PIGN: variants seen among roughly 807,000 people sequenced by gnomAD.
PIGN encodes phosphatidylinositol glycan anchor biosynthesis class N.
PIGN carries 117 observed loss-of-function variants against 125.4 expected under a neutral mutation model. That is an observed-to-expected ratio of 0.93 (90% confidence interval 0.80 to 1.09). The LOEUF (loss-of-function observed/expected upper bound fraction) is 1.09. Among genes scored for constraint, PIGN ranks in the 50% least tolerant of loss-of-function variants. The pLI is 0.00. For missense variants in PIGN, 1,075 were observed against 1,094.9 expected, an observed-to-expected ratio of 0.98 and a Z score of 0.26; for synonymous variants, 392 against 377.8, an observed-to-expected ratio of 1.04 and a Z score of -0.44.
At chr18:62,117,592 C>A (rs556615007) in intron 14 of PIGN, among the ~76,000 whole-genome samples, 58 of 152,074 alleles carry the variant, frequency 3.8e-4, no homozygotes, top group African/African-American at 1.4e-3. Context: ...TTAACATTTT[C>A]TTAAACCTGA....
chr18:62,081,842 C>T (rs2033463470), intron 28 of PIGN, among the ~76,000 whole-genome samples: 4 of 152,178 alleles, frequency 2.6e-5, no homozygotes, highest in Admixed American at 2.6e-4. Context: ...AATGAGATTT[C>T]TAGTATTCTT....
intron 14 of PIGN, among the ~76,000 whole-genome samples, chr18:62,128,287 C>A (rs2035610089): frequency 6.6e-6 from 1 of 152,120 alleles, no homozygotes; most frequent in African/African-American, 2.4e-5. Context: ...GTGTGACAAA[C>A]TGAGGACTTT....
chr18:62,073,325 G>A (rs979697723), intron 29 of PIGN, among the ~76,000 whole-genome samples: 1 of 152,076 alleles, frequency 6.6e-6, no homozygotes, highest in African/African-American at 2.4e-5. Context: ...TGAAATCTAA[G>A]TAAAAAGTAG....
chr18:62,107,162 C>T (rs1568182238), intron 17 of PIGN, 77 bp from the exon 18 acceptor site: 4 of 864,034 alleles, frequency 4.6e-6, no homozygotes, highest in Non-Finnish European at 7.5e-6. Context: ...TTGCACAAAG[C>T]TAAAACACTA....
intron 23 of PIGN, among the ~76,000 whole-genome samples, chr18:62,025,974 T>A (rs1044478922): frequency 6.6e-6 from 1 of 152,208 alleles, no homozygotes; most frequent in East Asian, 1.9e-4. Context: ...CAACAAGACC[T>A]ACATCCAGTA....
chr18:62,159,141 G>A (rs181189379), intron 4 of PIGN, among the ~76,000 whole-genome samples: 9 of 152,318 alleles, frequency 5.9e-5, no homozygotes, highest in Admixed American at 3.3e-4. Flanking sequence ...CTACTCAGGA[G>A]GCTGAGGCAG....
chr18:62,149,902 G>A (rs1170649888), intron 7 of PIGN, among the ~76,000 whole-genome samples: 1 of 152,084 alleles, frequency 6.6e-6, no homozygotes, highest in Non-Finnish European at 1.5e-5. Context: ...AAACTTTTAA[G>A]TTATTTTTTT....
At chr18:62,068,085 A>T (rs2032630211) in intron 30 of PIGN, among the ~76,000 whole-genome samples, 1 of 148,288 alleles carries the variant, frequency 6.7e-6, no homozygotes, top group Non-Finnish European at 1.5e-5. Context: ...TAGCAATGAA[A>T]TTCCTCCCAG....
intron 17 of PIGN, among the ~76,000 whole-genome samples, 173 bp from the exon 18 acceptor site, chr18:62,107,258 T>A (rs1409997703): frequency 9.9e-5 from 15 of 152,192 alleles, no homozygotes; most frequent in Admixed American, 9.2e-4. Flanking sequence ...TATTTTTTTT[T>A]AATCTAGAAG....
intron 1 of PIGN, among the ~76,000 whole-genome samples, chr18:62,164,252 TA>T (rs2037053451): frequency 6.6e-6 from 1 of 152,230 alleles, no homozygotes; most frequent in Non-Finnish European, 1.5e-5. Flanking sequence ...AAATATTTGG[TA>T]AATATCACTG....
chr18:62,035,046 T>G (rs1422725817), intron 23 of PIGN, among the ~76,000 whole-genome samples: 1 of 152,202 alleles, frequency 6.6e-6, no homozygotes, highest in African/African-American at 2.4e-5. Flanking sequence ...TCTCCTGTGC[T>G]GTTCTCATGA....
At chr18:62,035,683 C>G (rs1047870628) in intron 23 of PIGN, among the ~76,000 whole-genome samples, 1 of 151,982 alleles carries the variant, frequency 6.6e-6, no homozygotes, top group Admixed American at 6.6e-5. Flanking sequence ...CCCTTCCCCC[C>G]ACCCCACAAC....
At position 62,045,523 on chromosome 18, in the gene PIGN, T is replaced by C. The variant is rs1342296779; in HGVS notation, c.*333A>G. 9 of 212,878 alleles carry C rather than the reference T, an allele frequency of 4.2e-5. No homozygotes were observed. Among genetic ancestry groups the C allele is most frequent in the Non-Finnish European group, 6.7e-5 (7 of 105,078 alleles). 13.2% of individuals were successfully genotyped at this position (212,878 alleles called of 1,614,324 possible). A position where few individuals can be genotyped will look rare whatever the true frequency, so the allele number is the denominator to read the frequency against. ...CCACAGGCATATGCTCTCCTCTGGG[T>C]ATGTGGGAAGTTGTGCGACTGGGGA... On this transcript the variant is annotated 3_prime_UTR_variant, in exon 31 of 31. Coordinates refer to ENST00000640252, the MANE Select transcript of PIGN (RefSeq NM_176787.5).
In PIGN at chr18:62,043,954, C is replaced by T. The variant is rs2030482448; in HGVS notation, c.*1902G>A. On this transcript the variant is annotated 3_prime_UTR_variant, in exon 31 of 31. Transcript: ENST00000640252. ...CTCGTTTCTTTTTTCTGTTTTGCAACATAAAAATATACATTTCAAAACATT... is the reference window on the plus strand; with the variant it reads ...CTCGTTTCTTTTTTCTGTTTTGCAATATAAAAATATACATTTCAAAACATT... 1 of 152,056 alleles carries T rather than the reference C, an allele frequency of 6.6e-6. No individual in the cohort carries two copies. Among genetic ancestry groups the T allele is most frequent in the African/African-American group, 2.4e-5 (1 of 41,398 alleles). The allele number at this position is 152,056 out of a possible 1,614,324, so 9.4% of individuals were successfully genotyped here. A position where few individuals can be genotyped will look rare whatever the true frequency, so the allele number is the denominator to read the frequency against.
intron 28 of PIGN, among the ~76,000 whole-genome samples, chr18:62,081,009 T>C (rs773016307): frequency 6.6e-6 from 1 of 152,112 alleles, no homozygotes; most frequent in Non-Finnish European, 1.5e-5. Flanking sequence ...TTTTAAGTTA[T>C]GAAAAAAAAC....
Position 62,041,701 on chromosome 18 carries a change from G to T in PIGN, c.*4155C>A, listed in dbSNP as rs1380073027. On this transcript the variant is annotated 3_prime_UTR_variant, in exon 31 of 31. Coordinates refer to ENST00000640252, the MANE Select transcript of PIGN (RefSeq NM_176787.5). ...TGTGTGTGTGTGTGTGTGTGTGTGT[G>T]TGTGTTTAGTAGAGATGGGGTTTTG... is the stretch of plus-strand genomic sequence containing the variant. 1.4e-5 allele frequency: 2 copies of T among 145,244 alleles called. No individual in the cohort carries two copies. The highest frequency in any genetic ancestry group is 4.1e-4 in the East Asian group (2 of 4,918). The allele number at this position is 145,244 out of a possible 1,614,324, so 9.0% of individuals were successfully genotyped here. A position where few individuals can be genotyped will look rare whatever the true frequency, so the allele number is the denominator to read the frequency against.
In PIGN at chr18:62,082,692, T is replaced by G. The variant is rs2033505563; in HGVS notation, c.2557A>C (p.Thr853Pro). Residue 853 changes from threonine (T) to proline (P), a missense_variant, in exon 28 of 31, where the codon ACT becomes CCT. By Grantham distance (38) the Thr-to-Pro change is conservative. Coordinates refer to ENST00000640252, the MANE Select transcript of PIGN (RefSeq NM_176787.5). ...TCTTACCTTTTTGACGATAACTGAG[T>G]AGTCAACTGAACTGCTTCAAAAGCA... ...MCAFEAVQLTTQLSSKSLFLI... is the reference protein window; with the variant it reads ...MCAFEAVQLTPQLSSKSLFLI... The G allele has an allele frequency of 6.5e-7, 1 of 1,545,410 alleles. No individual in the cohort carries two copies.
At chr18:62,086,390 G>A (rs189979507) in intron 25 of PIGN, among the ~76,000 whole-genome samples, 102 of 152,138 alleles carry the variant, frequency 6.7e-4, no homozygotes, top group Non-Finnish European at 1.1e-3. Context: ...AGGCTGAGGC[G>A]GGCAGACCAC....
chr18:62,092,754 C>A (rs187262186), intron 23 of PIGN, among the ~76,000 whole-genome samples: 1 of 152,104 alleles, frequency 6.6e-6, no homozygotes, highest in Non-Finnish European at 1.5e-5. Context: ...TTCCTACTTT[C>A]GATAATGTGA....
Sources: gnomAD v4.1 joint callset for allele counts (sites outside exome capture counted in the v4.1 genomes callset) on GRCh38, gnomAD v4.1.1 for gene constraint, MANE v1.5 for transcripts, NCBI Gene and HGNC (gene_info 2026-07-23, HGNC 2026-07-21) for gene names.